TENM3: variants seen among roughly 807,000 people sequenced by gnomAD.
TENM3 encodes teneurin-3.
In TENM3, 63 loss-of-function variants were observed where a neutral mutation model predicts 255.1. The ratio of observed to expected loss-of-function variants is 0.25; its 90% CI spans 0.20 to 0.30. The LOEUF (loss-of-function observed/expected upper bound fraction) is 0.30. Ranked by LOEUF, TENM3 falls within the 10% of genes least tolerant of loss-of-function variation. TENM3 has a pLI of 1.00. For missense variants in TENM3, 2,929 were observed against 3,461.1 expected (o/e 0.85, Z 3.86); for synonymous variants, 1,306 against 1,322.3 (o/e 0.99, Z 0.27).
intron 17 of TENM3, 25 bp downstream of exon 17, chr4:182,737,100 G>T: frequency 6.3e-7 from 1 of 1,595,734 alleles, no homozygotes; most frequent in Non-Finnish European, 8.5e-7. Flanking sequence ...AATCTTTGCT[G>T]CAGTGAAGTT....
At chr4:181,796,274 C>T in the TENM3 span, among the ~76,000 whole-genome samples, 21 of 152,184 alleles carry the variant, frequency 1.4e-4, no homozygotes, top group African/African-American at 4.8e-4. Context: ...CGGACCCAAT[C>T]ACAGCAAATC....
intron 12 of TENM3, among the ~76,000 whole-genome samples, chr4:182,708,629 C>T (rs1480893017): frequency 6.6e-6 from 1 of 152,066 alleles, no homozygotes. Flanking sequence ...GAAACCCCAC[C>T]TCTACTAAAA....
chr4:182,738,109 C>T (rs1579297108), intron 17 of TENM3, among the ~76,000 whole-genome samples: 2 of 151,990 alleles, frequency 1.3e-5, no homozygotes, highest in African/African-American at 2.4e-5. Flanking sequence ...ATTACTTAAC[C>T]GGCTGCCCAA....
At chr4:181,515,471 A>G in the TENM3 span, among the ~76,000 whole-genome samples, 1 of 152,086 alleles carries the variant, frequency 6.6e-6, no homozygotes, top group Non-Finnish European at 1.5e-5. Flanking sequence ...GCCTATCTTT[A>G]GCACACTGTC....
At chr4:182,027,305 G>A in the TENM3 span, among the ~76,000 whole-genome samples, 1 of 152,118 alleles carries the variant, frequency 6.6e-6, no homozygotes, top group Non-Finnish European at 1.5e-5. Flanking sequence ...AAGTGCTACT[G>A]ATTTTTGTAT....
the TENM3 span, among the ~76,000 whole-genome samples, chr4:181,692,667 C>T: frequency 6.6e-6 from 1 of 152,122 alleles, no homozygotes; most frequent in South Asian, 2.1e-4. Flanking sequence ...TAATAGCATA[C>T]TATGAGAGTA....
In TENM3 at chr4:182,727,461, A is replaced by AAAAAAAAAG. The variant is rs1055948871; in HGVS notation, c.2369-1501_2369-1500insAAAAAGAAA. On this transcript the variant is annotated intron_variant, in intron 13 of 27. Transcript: ENST00000511685. ...ACAGAGGAAGACTCAGTCTCAAAAA[A>AAAAAAAAAG]AAAGAAAGAAAAATTCATGTTTTTC... Among the ~76,000 whole-genome samples, 536 of 151,820 alleles carry AAAAAAAAAG rather than the reference A, an allele frequency of 3.5e-3. 4 individuals carry two copies. Among genetic ancestry groups the AAAAAAAAAG allele is most frequent in the African/African-American group, 0.012 (499 of 41,350 alleles).
intron 1 of TENM3, among the ~76,000 whole-genome samples, chr4:182,170,524 G>A (rs1436392392): frequency 2.0e-5 from 3 of 152,116 alleles, no homozygotes; most frequent in African/African-American, 4.8e-5. Context: ...AAATATACAC[G>A]CTGATAGACT....
At chr4:182,346,024 C>T (rs116122755) in intron 2 of TENM3, among the ~76,000 whole-genome samples, 2,167 of 152,032 alleles carry the variant, frequency 0.014, 26 homozygotes, top group Non-Finnish European at 0.022. Flanking sequence ...ACGTTATACT[C>T]CAACATTTAA....
the TENM3 span, among the ~76,000 whole-genome samples, chr4:181,481,317 T>C: frequency 0.11 from 16,315 of 152,148 alleles, 999 homozygotes; most frequent in East Asian, 0.19. Context: ...ATGCCGATGC[T>C]ATCCAGGCTC....
chr4:181,761,644 T>G, the TENM3 span, among the ~76,000 whole-genome samples: 1 of 152,208 alleles, frequency 6.6e-6, no homozygotes, highest in Non-Finnish European at 1.5e-5. Flanking sequence ...TACCATATTA[T>G]AGTTATTTTA....
intron 3 of TENM3, among the ~76,000 whole-genome samples, chr4:182,402,369 T>C (rs186192936): frequency 5.3e-5 from 8 of 152,206 alleles, no homozygotes; most frequent in African/African-American, 1.7e-4. Flanking sequence ...TCGCTCCACA[T>C]GCCTCAAAAT....
At chr4:181,799,049 A>G in the TENM3 span, among the ~76,000 whole-genome samples, 4 of 152,328 alleles carry the variant, frequency 2.6e-5, no homozygotes, top group East Asian at 7.7e-4. Context: ...CTATGGAAAA[A>G]TAATGTATAC....
the TENM3 span, among the ~76,000 whole-genome samples, chr4:182,023,882 A>G: frequency 1.3e-5 from 2 of 152,210 alleles, no homozygotes; most frequent in African/African-American, 4.8e-5. Flanking sequence ...TAATAATAAA[A>G]TAATTTAGAA....
the TENM3 span, among the ~76,000 whole-genome samples, chr4:181,893,482 C>T: frequency 8.4e-5 from 1 of 11,846 alleles, no homozygotes; most frequent in Non-Finnish European, 2.5e-4. Flanking sequence ...CTTCCACTTT[C>T]CCCTGCCCAC....
chr4:182,146,177 T>G (rs1749953201), intron 1 of TENM3, among the ~76,000 whole-genome samples: 1 of 152,222 alleles, frequency 6.6e-6, no homozygotes, highest in Non-Finnish European at 1.5e-5. Flanking sequence ...ATTTTAATAT[T>G]TCAATTAAAA....
chr4:182,159,674 G>A (rs1750973374), intron 1 of TENM3, among the ~76,000 whole-genome samples: 2 of 152,106 alleles, frequency 1.3e-5, no homozygotes, highest in South Asian at 4.1e-4. Context: ...TTACCCATTA[G>A]AAGCGCTCAG....
At chr4:181,525,918 G>T in the TENM3 span, among the ~76,000 whole-genome samples, 1 of 149,506 alleles carries the variant, frequency 6.7e-6, no homozygotes, top group Non-Finnish European at 1.5e-5. Flanking sequence ...GTCAGCCCTT[G>T]CCTGGGCTGA....
chr4:181,599,969 C>T, the TENM3 span, among the ~76,000 whole-genome samples: 1 of 152,150 alleles, frequency 6.6e-6, no homozygotes, highest in Non-Finnish European at 1.5e-5. Flanking sequence ...CAGAGAAACC[C>T]CTCCTCTGAA....
Sources: gnomAD v4.1 joint callset for allele counts (sites outside exome capture counted in the v4.1 genomes callset) on GRCh38, gnomAD v4.1.1 for gene constraint, MANE v1.5 for transcripts, NCBI Gene and HGNC (gene_info 2026-07-23, HGNC 2026-07-21) for gene names.